UBXN4: variants seen among roughly 807,000 people sequenced by gnomAD.
UBXN4 encodes the protein UBX domain protein 4.
A neutral mutation model predicts 66.2 loss-of-function variants in UBXN4; 35 were observed. The observed-to-expected ratio is 0.53, with a 90% CI of 0.40 to 0.70. The LOEUF is 0.70. Among genes scored for constraint, UBXN4 ranks in the 30% least tolerant of loss-of-function variants. The pLI is 0.00. For missense variants in UBXN4, 533 were observed against 599.8 expected, an observed-to-expected ratio of 0.89 and a Z score of 1.16; for synonymous variants, 203 against 204.5, an observed-to-expected ratio of 0.99 and a Z score of 0.06.
Position 135,782,985 on chromosome 2 carries a change from C to A in UBXN4, c.*98C>A, listed in dbSNP as rs1451850820. Reference sequence around the variant, plus strand: ...AGTGGGACTGCTTTATATTTTCCAACTGGTCTATAAAATGTCTCTTTATTC... The same window carrying A: ...AGTGGGACTGCTTTATATTTTCCAAATGGTCTATAAAATGTCTCTTTATTC... On this transcript the variant is annotated 3_prime_UTR_variant, in exon 13 of 13. Coordinates refer to ENST00000272638, the MANE Select transcript of UBXN4 (RefSeq NM_014607.4). The A allele has an allele frequency of 2.3e-6, 3 of 1,332,858 alleles. No homozygotes were observed. The highest frequency in any genetic ancestry group is 3.1e-6 in the Non-Finnish European group (3 of 971,560). 82.6% of individuals were successfully genotyped at this position (1,332,858 alleles called of 1,614,324 possible).
Position 135,760,510 on chromosome 2 carries a change from A to G in UBXN4, c.509-1308A>G, listed in dbSNP as rs572875049. Among the ~76,000 whole-genome samples the G allele has an allele frequency of 1.4e-4, 22 of 152,328 alleles. 1 individual carries two copies. The South Asian group carries it at 4.1e-3, about 29-fold the overall frequency. ...CCAAAGGCAGAGAACTCTGTGACAT[A>G]CAATTGGAAATCTTCCTCTATATGA... On this transcript the variant is annotated intron_variant, in intron 5 of 12. Coordinates refer to ENST00000272638, the MANE Select transcript of UBXN4 (RefSeq NM_014607.4).
chr2:135,769,324 A>G (rs1342590079), intron 6 of UBXN4, among the ~76,000 whole-genome samples: 5 of 151,922 alleles, frequency 3.3e-5, no homozygotes, highest in Non-Finnish European at 5.9e-5. Context: ...TGAACTTCTT[A>G]CAGTTGAGAA....
intron 10 of UBXN4, among the ~76,000 whole-genome samples, chr2:135,777,973 T>C (rs1191951991): frequency 4.0e-5 from 6 of 150,418 alleles, no homozygotes; most frequent in African/African-American, 1.5e-4. Context: ...GTCAGGAGAT[T>C]GAGACCATCC....
chr2:135,754,085 T>C, intron 3 of UBXN4, 74 bp from the exon 4 acceptor site: 1 of 1,050,394 alleles, frequency 9.5e-7, no homozygotes, highest in Non-Finnish European at 1.4e-6. Context: ...TTTGTTTTCC[T>C]TTGTTACCAA....
chr2:135,759,836 T>C (rs924631606), intron 5 of UBXN4, among the ~76,000 whole-genome samples: 2 of 147,146 alleles, frequency 1.4e-5, no homozygotes, highest in Non-Finnish European at 3.0e-5. Context: ...TGGCGCTATC[T>C]TGGCTCACTG....
At chr2:135,778,134 G>A (rs1454539384) in intron 10 of UBXN4, among the ~76,000 whole-genome samples, 5 of 144,726 alleles carry the variant, frequency 3.5e-5, no homozygotes, top group South Asian at 2.2e-4. Flanking sequence ...CCAAGATCGC[G>A]CCACTGCACT....
chr2:135,760,451 T>C (rs2077308382), intron 5 of UBXN4, among the ~76,000 whole-genome samples: 1 of 151,966 alleles, frequency 6.6e-6, no homozygotes. Context: ...AGTTACAAAT[T>C]TATATTTTAC....
chr2:135,747,348 C>CAAAAAA (rs138276089), intron 1 of UBXN4, among the ~76,000 whole-genome samples: 2 of 83,504 alleles, frequency 2.4e-5, no homozygotes, highest in African/African-American at 4.4e-5. Context: ...AACTCCATCT[C>CAAAAAA]AAAAAAAAAA....
At chr2:135,745,874 A>ATTTTTTTTTT (rs1491420549) in intron 1 of UBXN4, among the ~76,000 whole-genome samples, 7 of 13,902 alleles carry the variant, frequency 5.0e-4, no homozygotes, top group Non-Finnish European at 1.3e-3. Flanking sequence ...AGTCCCGTTT[A>ATTTTTTTTTT]CTTTTTTTTT....
At chr2:135,775,080 A>G (rs2077405112) in intron 9 of UBXN4, among the ~76,000 whole-genome samples, 1 of 152,246 alleles carries the variant, frequency 6.6e-6, no homozygotes, top group South Asian at 2.1e-4. Flanking sequence ...AGGGAAATCA[A>G]GTCAGAACCA....
intron 9 of UBXN4, 65 bp from the exon 10 acceptor site, chr2:135,776,184 C>CT: frequency 7.4e-7 from 1 of 1,348,200 alleles, no homozygotes; most frequent in Non-Finnish European, 1.0e-6. Flanking sequence ...TTTTCTCTAA[C>CT]TTAATGATAT....
At chr2:135,767,887 T>C (rs190690379) in intron 6 of UBXN4, among the ~76,000 whole-genome samples, 8 of 152,302 alleles carry the variant, frequency 5.3e-5, no homozygotes, top group Non-Finnish European at 1.2e-4. Context: ...TGCTTTTTTT[T>C]CTCTCATGTG....
chr2:135,745,875 C>CTTGTTTTTT (rs2077204293), intron 1 of UBXN4, among the ~76,000 whole-genome samples: 1 of 74,398 alleles, frequency 1.3e-5, no homozygotes, highest in Non-Finnish European at 2.3e-5. Context: ...GTCCCGTTTA[C>CTTGTTTTTT]TTTTTTTTTT....
chr2:135,764,218 G>C (rs529083303), intron 6 of UBXN4, among the ~76,000 whole-genome samples: 25 of 152,300 alleles, frequency 1.6e-4, no homozygotes, highest in African/African-American at 6.0e-4. Context: ...TTGAAACTGA[G>C]ATCTATTTCC....
chr2:135,754,913 T>A (rs1047209995), intron 4 of UBXN4, among the ~76,000 whole-genome samples: 1 of 152,098 alleles, frequency 6.6e-6, no homozygotes, highest in Non-Finnish European at 1.5e-5. Context: ...GCCTCCCCAG[T>A]GGTGGGATTA....
At chr2:135,757,493 G>C (rs914402193) in intron 5 of UBXN4, among the ~76,000 whole-genome samples, 1 of 152,102 alleles carries the variant, frequency 6.6e-6, no homozygotes, top group Non-Finnish European at 1.5e-5. Context: ...TATAATGGCT[G>C]CTTTAAAGTC....
intron 5 of UBXN4, among the ~76,000 whole-genome samples, chr2:135,758,075 AT>A (rs70973477): frequency 2.7e-4 from 38 of 139,848 alleles, no homozygotes; most frequent in Middle Eastern, 3.6e-3. Flanking sequence ...CACCTGGCTA[AT>A]TTTTTTTTTT....
At chr2:135,749,113 C>T (rs1404844377) in intron 2 of UBXN4, among the ~76,000 whole-genome samples, 1 of 152,102 alleles carries the variant, frequency 6.6e-6, no homozygotes, top group Non-Finnish European at 1.5e-5. Flanking sequence ...TTCTGACTGC[C>T]GTTTGCTAAA....
rs1197157272 is a variant in UBXN4, at chr2:135,753,641, G to T, written c.214+74G>T. ...CCTTTTGGTTAATTTATGAAATTTA[G>T]AAATTATTCATTTTTATTTAGGAAA... On this transcript the variant is annotated intron_variant, in intron 3 of 12. Coordinates refer to ENST00000272638, the MANE Select transcript of UBXN4 (RefSeq NM_014607.4). 2.5e-5 allele frequency: 31 copies of T among 1,225,218 alleles called. No homozygotes were observed. In the East Asian group the frequency reaches 8.3e-4, roughly 33 times the overall value. The allele number at this position is 1,225,218 out of a possible 1,614,324, so 75.9% of individuals were successfully genotyped here.
Sources: gnomAD v4.1 joint callset for allele counts (sites outside exome capture counted in the v4.1 genomes callset) on GRCh38, gnomAD v4.1.1 for gene constraint, MANE v1.5 for transcripts, NCBI Gene and HGNC (gene_info 2026-07-23, HGNC 2026-07-21) for gene names.